Variants in MLLT1 observed in about 807,000 individuals in gnomAD.
MLLT1 encodes MLLT1 super elongation complex subunit.
In MLLT1, 11 loss-of-function variants were observed where a neutral mutation model predicts 55.1. That is an observed-to-expected ratio of 0.20 (90% CI 0.13 to 0.33). The LOEUF (loss-of-function observed/expected upper bound fraction) is 0.33, where lower values mean the gene tolerates loss of function less well. Ranked by LOEUF, MLLT1 falls within the 10% of genes least tolerant of loss-of-function variation. MLLT1 has a pLI of 1.00. For missense variants in MLLT1, 536 were observed against 760.6 expected (o/e 0.70, Z 3.47); for synonymous variants, 323 against 320.1 (o/e 1.01, Z -0.10).
intron 1 of MLLT1, among the ~76,000 whole-genome samples, chr19:6,275,612 C>T (rs2091423673): frequency 6.6e-6 from 1 of 152,192 alleles, no homozygotes; most frequent in Non-Finnish European, 1.5e-5. Flanking sequence ...CTCTCACTAA[C>T]AGGTACACCG....
At chr19:6,244,863 G>T (rs1373708864) in intron 3 of MLLT1, among the ~76,000 whole-genome samples, 1 of 152,130 alleles carries the variant, frequency 6.6e-6, no homozygotes, top group African/African-American at 2.4e-5. Context: ...CCGTCAGGGA[G>T]ATGCAAATCA....
At chr19:6,268,894 C>T (rs1184110889) in intron 2 of MLLT1, among the ~76,000 whole-genome samples, 2 of 152,190 alleles carry the variant, frequency 1.3e-5, no homozygotes, top group Non-Finnish European at 2.9e-5. Flanking sequence ...ACTCACTACC[C>T]CACCTTCCAG....
chr19:6,246,386 C>T (rs2091168876), intron 3 of MLLT1, among the ~76,000 whole-genome samples: 2 of 152,304 alleles, frequency 1.3e-5, no homozygotes, highest in South Asian at 4.1e-4. Context: ...ACAACACAGA[C>T]GTCCTTCAAC....
In MLLT1 at chr19:6,222,625, C is replaced by T. The variant is rs373027234; in HGVS notation, c.606G>A (p.Arg202=). Residue 202 remains arginine, a synonymous_variant, in exon 6 of 12, where the codon CGG becomes CGA. Transcript: ENST00000252674. The surrounding 1 kb of genome is among the most constrained non-coding windows in gnomAD (Gnocchi z 4.1). ...TCTCGGAGTCTTTGCGGGGCCGCTCCCGGTGCTCCTTGGTCACCTTGTGTG... is the reference window on the plus strand; with the variant it reads ...TCTCGGAGTCTTTGCGGGGCCGCTCTCGGTGCTCCTTGGTCACCTTGTGTG... ...SKPHKVTKEH[R]ERPRKDSESK... The T allele has an allele frequency of 1.3e-6, 2 of 1,588,774 alleles. No homozygotes were observed. The highest frequency in any genetic ancestry group is 2.7e-5 in the African/African-American group (2 of 74,454).
rs375749795 is a variant in MLLT1, at chr19:6,226,940, G to A, written c.546+37C>T. On this transcript the variant is annotated intron_variant, in intron 5 of 11. Transcript: ENST00000252674. The surrounding 1 kb of genome is among the most constrained non-coding windows in gnomAD (Gnocchi z 6.3). ...GCCAGACCCACCACAGCTGGGCCCC[G>A]GCGCTCCCACGCGACTGGGCCTTCC... 4.7e-5 allele frequency: 71 copies of A among 1,517,700 alleles called. No individual in the cohort carries two copies. Among genetic ancestry groups the A allele is most frequent in the South Asian group, 2.2e-4 (17 of 78,512 alleles). The allele number at this position is 1,517,700 out of a possible 1,614,324, so 94.0% of individuals were successfully genotyped here. A position where few individuals can be genotyped will look rare whatever the true frequency, so the allele number is the denominator to read the frequency against.
Position 6,210,738 on chromosome 19 carries a change from G to C in MLLT1, c.*2304C>G, listed in dbSNP as rs141524873. Reference sequence around the variant, plus strand: ...ACAAAGTGCCAGGCCCCTTTCCTATGGAAGTGTCCCCAGAGCCCTCGTGGG... The same window carrying C: ...ACAAAGTGCCAGGCCCCTTTCCTATCGAAGTGTCCCCAGAGCCCTCGTGGG... On this transcript the variant is annotated 3_prime_UTR_variant, in exon 12 of 12. Coordinates refer to ENST00000252674, the MANE Select transcript of MLLT1 (RefSeq NM_005934.4). The surrounding 1 kb of genome is among the most constrained non-coding windows in gnomAD (Gnocchi z 4.6). 274 of 230,194 alleles carry C rather than the reference G, an allele frequency of 1.2e-3. 3 individuals are homozygous for C. Among genetic ancestry groups the C allele is most frequent in the African/African-American group, 5.5e-3 (250 of 45,250 alleles). The allele number at this position is 230,194 out of a possible 1,614,324, so 14.3% of individuals were successfully genotyped here. A position where few individuals can be genotyped will look rare whatever the true frequency, so the allele number is the denominator to read the frequency against.
chr19:6,277,059 G>A, intron 1 of MLLT1, among the ~76,000 whole-genome samples: 1 of 152,208 alleles, frequency 6.6e-6, no homozygotes, highest in Non-Finnish European at 1.5e-5. Context: ...GGCATCTGGG[G>A]GGCTAGTGGG....
At chr19:6,263,985 A>G (rs527720224) in intron 2 of MLLT1, among the ~76,000 whole-genome samples, 37 of 152,098 alleles carry the variant, frequency 2.4e-4, no homozygotes, top group African/African-American at 8.9e-4. Context: ...GCGGGGCCTG[A>G]GCTTCTCCCT....
intron 1 of MLLT1, among the ~76,000 whole-genome samples, chr19:6,277,539 G>C (rs1022301394): frequency 1.3e-5 from 2 of 152,108 alleles, no homozygotes; most frequent in South Asian, 4.1e-4. Flanking sequence ...CTGTGGTACC[G>C]GGCAGTGCAA....
intron 3 of MLLT1, among the ~76,000 whole-genome samples, chr19:6,239,326 G>A (rs1320653450): frequency 6.6e-6 from 1 of 152,236 alleles, no homozygotes; most frequent in East Asian, 1.9e-4. Context: ...TACCCACAGA[G>A]TATAAACCAA....
At chr19:6,254,225 A>G (rs1358956114) in intron 3 of MLLT1, among the ~76,000 whole-genome samples, 2 of 152,210 alleles carry the variant, frequency 1.3e-5, no homozygotes, top group Non-Finnish European at 2.9e-5. Flanking sequence ...GAGTCTCCAT[A>G]AACACCTTAC....
Position 6,211,424 on chromosome 19 carries a change from G to C in MLLT1, c.*1618C>G, listed in dbSNP as rs932394556. 12 of 262,164 alleles carry C rather than the reference G, an allele frequency of 4.6e-5. No homozygotes were observed. Among genetic ancestry groups the C allele is most frequent in the African/African-American group, 2.6e-4 (12 of 45,730 alleles). The allele number at this position is 262,164 out of a possible 1,614,324, so 16.2% of individuals were successfully genotyped here. A position where few individuals can be genotyped will look rare whatever the true frequency, so the allele number is the denominator to read the frequency against. ...TTCCCCAGGACAGCTGGCATTGGGGGCAGCCTTGGAGGCATGGGTCCCCAC... is the reference window on the plus strand; with the variant it reads ...TTCCCCAGGACAGCTGGCATTGGGGCCAGCCTTGGAGGCATGGGTCCCCAC... On this transcript the variant is annotated 3_prime_UTR_variant, in exon 12 of 12. Coordinates refer to ENST00000252674, the MANE Select transcript of MLLT1 (RefSeq NM_005934.4). This position sits in a 1 kb window ranked among gnomAD's most constrained non-coding sequence, Gnocchi z 4.6.
chr19:6,212,212 G>A lies in MLLT1; in HGVS notation c.*830C>T, dbSNP rs932106034. On this transcript the variant is annotated 3_prime_UTR_variant, in exon 12 of 12. Coordinates refer to ENST00000252674, the MANE Select transcript of MLLT1 (RefSeq NM_005934.4). ...GCCCGAGAGCAGACTGGTGGCTCCC[G>A]GGCGCCCTGAGGACTCGCTGCCCTT... 2.1e-5 allele frequency: 22 copies of A among 1,066,048 alleles called. No individual in the cohort carries two copies. Among genetic ancestry groups the A allele is most frequent in the East Asian group, 5.0e-5 (1 of 20,162 alleles). 66.0% of individuals were successfully genotyped at this position (1,066,048 alleles called of 1,614,324 possible).
intron 3 of MLLT1, among the ~76,000 whole-genome samples, chr19:6,232,592 G>A (rs1215143121): frequency 2.0e-5 from 3 of 152,116 alleles, no homozygotes; most frequent in Non-Finnish European, 4.4e-5. Context: ...CGTGAACTTC[G>A]GAAACATTTC....
intron 3 of MLLT1, among the ~76,000 whole-genome samples, chr19:6,246,644 C>T (rs1377464588): frequency 6.6e-6 from 1 of 151,872 alleles, no homozygotes; most frequent in East Asian, 1.9e-4. Context: ...GGGGGACTGA[C>T]TTCAAAGGGA....
intron 6 of MLLT1, 74 bp from the exon 7 acceptor site, chr19:6,218,115 C>G (rs1043313269): frequency 1.3e-6 from 2 of 1,519,554 alleles, no homozygotes; most frequent in East Asian, 5.0e-5. Context: ...ACAAAGGGGG[C>G]CCCCTGGCAG....
chr19:6,222,499 C>T lies in MLLT1; in HGVS notation c.732G>A (p.Ala244=), dbSNP rs2090911780. The T allele has an allele frequency of 3.8e-6, 6 of 1,597,254 alleles. No individual in the cohort carries two copies. Among genetic ancestry groups the T allele is most frequent in the South Asian group, 2.2e-5 (2 of 90,796 alleles). The change falls in exon 6 of 12, where the codon GCG becomes GCA. Residue 244 remains alanine (A), a synonymous_variant. Transcript: ENST00000252674. The surrounding 1 kb of genome is among the most constrained non-coding windows in gnomAD (Gnocchi z 4.1). Reference sequence around the variant, plus strand: ...CCTTGAAGGCAGCCTTGGGCGGTGGCGCCTTCTCCTCCTTGGGCAGCCGGC... The same window carrying T: ...CCTTGAAGGCAGCCTTGGGCGGTGGTGCCTTCTCCTCCTTGGGCAGCCGGC... ...GEGRLPKEEK[A]PPPKAAFKEP...
In MLLT1 at chr19:6,256,014, G is replaced by A. The variant is rs1005164253; in HGVS notation, c.276+6214C>T. Among the ~76,000 whole-genome samples the A allele has an allele frequency of 1.9e-4, 29 of 151,848 alleles. No individual in the cohort carries two copies. The highest frequency in any genetic ancestry group is 6.5e-4 in the African/African-American group (27 of 41,314). ...CAGGTAGATCACCTGAGGTCAGTTCGAGACCAGCCTGGCCAATGTGGTGAA... is the reference window on the plus strand; with the variant it reads ...CAGGTAGATCACCTGAGGTCAGTTCAAGACCAGCCTGGCCAATGTGGTGAA... On this transcript the variant is annotated intron_variant, in intron 3 of 11. Coordinates refer to ENST00000252674, the MANE Select transcript of MLLT1 (RefSeq NM_005934.4). This position sits in a 1 kb window ranked among gnomAD's most constrained non-coding sequence, Gnocchi z 4.1.
chr19:6,228,822 G>A (rs2090978407), intron 4 of MLLT1, among the ~76,000 whole-genome samples: 1 of 152,138 alleles, frequency 6.6e-6, no homozygotes. Context: ...CAGACAGCCA[G>A]CTCCCCAGAC....
Sources: allele counts gnomAD v4.1 joint callset (sites outside exome capture counted in the v4.1 genomes callset), GRCh38; gene constraint gnomAD v4.1.1; non-coding constraint Gnocchi (gnomAD v3.1); transcripts MANE v1.5; gene names NCBI Gene and HGNC (gene_info 2026-07-23, HGNC 2026-07-21).